Variants in CORO1C observed in about 807,000 individuals in gnomAD.
CORO1C encodes the protein coronin-1C.
Under a neutral mutation model 51.2 loss-of-function variants are expected in CORO1C, and 14 were observed. The ratio of observed to expected loss-of-function variants is 0.27; its 90% CI spans 0.18 to 0.43. The LOEUF (loss-of-function observed/expected upper bound fraction) is 0.43, where lower values mean the gene tolerates loss of function less well. CORO1C is among the 20% of genes least tolerant of loss of function. CORO1C has a pLI of 1.00. For missense variants in CORO1C, 417 were observed against 607.8 expected (o/e 0.69, Z 3.30); for synonymous variants, 181 against 210.5 (o/e 0.86, Z 1.21).
chr12:108,702,970 G>A (rs564471201), intron 1 of CORO1C: 802 of 1,505,436 alleles, frequency 5.3e-4, no homozygotes, highest in African/African-American at 1.9e-3. Flanking sequence ...TGGTAGAGGA[G>A]ATGGCAAATG....
intron 3 of CORO1C, among the ~76,000 whole-genome samples, chr12:108,665,269 T>C (rs1306041326): frequency 6.6e-6 from 1 of 152,214 alleles, no homozygotes; most frequent in Non-Finnish European, 1.5e-5. Flanking sequence ...CATTTATTAA[T>C]TTTTAAAATA....
At chr12:108,687,625 A>G (rs906720748) in intron 2 of CORO1C, among the ~76,000 whole-genome samples, 1 of 151,796 alleles carries the variant, frequency 6.6e-6, no homozygotes, top group Admixed American at 6.6e-5. Context: ...TCTTTACGAA[A>G]ATTACAAAAA....
chr12:108,703,526 TGTGA>T (rs1427596724), intron 1 of CORO1C, among the ~76,000 whole-genome samples: 1 of 152,188 alleles, frequency 6.6e-6, no homozygotes, highest in Non-Finnish European at 1.5e-5. Flanking sequence ...CTGACTGAAG[TGTGA>T]GTGTCCTCTA....
rs148999882 is a variant in CORO1C, at chr12:108,716,102, T to C, written c.-5-14779A>G. 1.1e-3 allele frequency among the ~76,000 whole-genome samples: 129 copies of C among 118,288 alleles called. 2 individuals are homozygous for C. In the East Asian group the frequency reaches 0.031, roughly 28 times the overall value. 77.6% of individuals were successfully genotyped at this position (118,288 alleles called of 152,430 possible). A position where few individuals can be genotyped will look rare whatever the true frequency, so the allele number is the denominator to read the frequency against. On this transcript the variant is annotated intron_variant, in intron 1 of 10. Transcript: ENST00000261401. ...GCCAAGATCGCCACTGCACTCCAGCTTGGCAATAGAACGAGACTCTGTCGC... is the reference window on the plus strand; with the variant it reads ...GCCAAGATCGCCACTGCACTCCAGCCTGGCAATAGAACGAGACTCTGTCGC...
intron 2 of CORO1C, 139 bp from the exon 3 acceptor site, chr12:108,678,533 A>G (rs1360620422): frequency 1.6e-6 from 1 of 641,246 alleles, no homozygotes; most frequent in African/African-American, 1.9e-5. Flanking sequence ...GTCAATATCA[A>G]CTTTCACTTC....
At chr12:108,688,863 C>T (rs1381941127) in intron 2 of CORO1C, among the ~76,000 whole-genome samples, 3 of 152,142 alleles carry the variant, frequency 2.0e-5, no homozygotes, top group African/African-American at 4.8e-5. Context: ...AATCTCGTCT[C>T]TACTAAAAAT....
At chr12:108,649,453 A>AT (rs1414075223) in intron 8 of CORO1C, 1 of 186,952 alleles carries the variant, frequency 5.3e-6, no homozygotes, top group East Asian at 1.4e-4. Flanking sequence ...GGTTGAACAT[A>AT]TAAGTATAAA....
At chr12:108,711,183 C>T (rs772755108) in intron 1 of CORO1C, among the ~76,000 whole-genome samples, 3 of 151,854 alleles carry the variant, frequency 2.0e-5, no homozygotes, top group East Asian at 1.9e-4. Flanking sequence ...GGCAACATAG[C>T]GAGACCCCAT....
At chr12:108,701,480 A>G (rs1444189402) in intron 1 of CORO1C, 157 bp from the exon 2 acceptor site, 1 of 1,156,600 alleles carries the variant, frequency 8.6e-7, no homozygotes, top group Non-Finnish European at 1.2e-6. Context: ...TTCTTTTAGC[A>G]GCACATACCC....
intron 3 of CORO1C, among the ~76,000 whole-genome samples, chr12:108,669,861 A>G (rs964319834): frequency 6.6e-6 from 1 of 152,188 alleles, no homozygotes; most frequent in Non-Finnish European, 1.5e-5. Flanking sequence ...ACAAGCTTCA[A>G]TTACTCCAAT....
At chr12:108,687,594 G>T (rs1488544832) in intron 2 of CORO1C, among the ~76,000 whole-genome samples, 1 of 151,990 alleles carries the variant, frequency 6.6e-6, no homozygotes, top group Non-Finnish European at 1.5e-5. Context: ...AGACCAGCCT[G>T]GCCAACATGA....
intron 1 of CORO1C, among the ~76,000 whole-genome samples, chr12:108,712,275 CTTT>C (rs936489697): frequency 3.9e-5 from 6 of 152,038 alleles, no homozygotes; most frequent in Non-Finnish European, 7.4e-5. Context: ...TAAAAAATTC[CTTT>C]TAAGAAGATG....
At chr12:108,701,020 A>G in intron 2 of CORO1C, 104 bp downstream of exon 2, 1 of 1,270,648 alleles carries the variant, frequency 7.9e-7, no homozygotes, top group Admixed American at 1.7e-5. Context: ...ATCAGAGTCT[A>G]ATGGTTTCAC....
chr12:108,686,937 C>G (rs1366963746), intron 2 of CORO1C, among the ~76,000 whole-genome samples: 1 of 152,250 alleles, frequency 6.6e-6, no homozygotes, highest in Non-Finnish European at 1.5e-5. Context: ...GGCACAATTT[C>G]CACGTGGCTG....
chr12:108,667,527 G>A (rs907428888), intron 3 of CORO1C, among the ~76,000 whole-genome samples: 3 of 152,132 alleles, frequency 2.0e-5, no homozygotes, highest in Non-Finnish European at 4.4e-5. Flanking sequence ...AATGCTGTGT[G>A]TTCCTAACAT....
chr12:108,657,265 C>T (rs772502968), intron 6 of CORO1C, 39 bp downstream of exon 6: 3 of 1,603,686 alleles, frequency 1.9e-6, no homozygotes, highest in Non-Finnish European at 2.6e-6. Context: ...AGAGAGAAAG[C>T]TCAAGTGAAA....
chr12:108,660,451 CAAAAAAAAAA>C (rs139334112), intron 4 of CORO1C, among the ~76,000 whole-genome samples: 4 of 87,510 alleles, frequency 4.6e-5, no homozygotes, highest in Non-Finnish European at 6.8e-5. Flanking sequence ...AACTCCATCT[CAAAAAAAAAA>C]AAAAAAAAAA....
At position 108,652,128 on chromosome 12, in the gene CORO1C, C is replaced by T. The variant is rs1054707724; in HGVS notation, c.1001+144G>A. 6.1e-5 allele frequency: 24 copies of T among 394,346 alleles called. No homozygotes were observed. In the East Asian group the frequency reaches 1.4e-3, roughly 24 times the overall value. 24.4% of individuals were successfully genotyped at this position (394,346 alleles called of 1,614,324 possible). ...TAGTGATATCCTTAGAAAGTGCCAT[C>T]TCATGGCAATGTGTACAATTCTACT... is the stretch of plus-strand genomic sequence containing the variant. On this transcript the variant is annotated intron_variant, in intron 8 of 10. Coordinates refer to ENST00000261401, the MANE Select transcript of CORO1C (RefSeq NM_014325.4).
intron 3 of CORO1C, among the ~76,000 whole-genome samples, chr12:108,669,906 G>C (rs1324946084): frequency 1.3e-5 from 2 of 152,214 alleles, no homozygotes; most frequent in Non-Finnish European, 1.5e-5. Context: ...AGTGATTAAA[G>C]GGTGATTTAA....
Sources: gnomAD v4.1 joint callset for allele counts (sites outside exome capture counted in the v4.1 genomes callset) on GRCh38, gnomAD v4.1.1 for gene constraint, MANE v1.5 for transcripts, NCBI Gene and HGNC (gene_info 2026-07-23, HGNC 2026-07-21) for gene names.